Variants in EBPL observed in about 807,000 individuals in gnomAD.
The protein encoded by EBPL is emopamil-binding protein-like.
EBPL carries 20 observed loss-of-function variants against 19.0 expected under a neutral mutation model. The observed-to-expected ratio is 1.05, with a 90% CI of 0.74 to 1.53. The LOEUF (loss-of-function observed/expected upper bound fraction) is 1.53. Among genes scored for constraint, EBPL ranks in the 40% most tolerant of loss-of-function variants. EBPL has a pLI of 0.00. For synonymous variants in EBPL, 107 were observed against 117.0 expected, an observed-to-expected ratio of 0.91 and a Z score of 0.55; for missense variants, 219 against 261.1, an observed-to-expected ratio of 0.84 and a Z score of 1.11.
At chr13:49,665,024 A>G (rs1965205259) in intron 2 of EBPL, among the ~76,000 whole-genome samples, 1 of 152,194 alleles carries the variant, frequency 6.6e-6, no homozygotes, top group African/African-American at 2.4e-5. Context: ...AATAGGTGAA[A>G]TGTACCAGTT....
intron 1 of EBPL, among the ~76,000 whole-genome samples, chr13:49,684,816 G>A (rs1314427404): frequency 6.6e-6 from 1 of 152,230 alleles, no homozygotes. Flanking sequence ...AAGGCAGACT[G>A]TATTATAAAG....
intron 1 of EBPL, among the ~76,000 whole-genome samples, chr13:49,682,475 A>G (rs1362603988): frequency 6.6e-6 from 1 of 152,220 alleles, no homozygotes; most frequent in Non-Finnish European, 1.5e-5. Flanking sequence ...ATTCACACTA[A>G]GAGGACAGAG....
Position 49,663,144 on chromosome 13 carries a change from A to G in EBPL, c.293T>C (p.Ile98Thr). The G allele has an allele frequency of 6.2e-7, 1 of 1,614,200 alleles. No individual in the cohort carries two copies. The highest frequency in any genetic ancestry group is 8.5e-7 in the Non-Finnish European group (1 of 1,180,038). Residue 98 changes from isoleucine to threonine, a missense_variant, in exon 3 of 4, where the codon ATT (isoleucine) becomes ACT (threonine). Ile to Thr is a moderately conservative substitution (Grantham distance 89). Coordinates refer to ENST00000242827, the MANE Select transcript of EBPL (RefSeq NM_032565.5). ...DARWVYFDPT[I>T]VSVEILTVAL... ...GACGGTCAGAATTTCCACAGACACAATGGTTGGATCAAAATAAACCCATCT... is the reference window on the plus strand; with the variant it reads ...GACGGTCAGAATTTCCACAGACACAGTGGTTGGATCAAAATAAACCCATCT...
intron 1 of EBPL, among the ~76,000 whole-genome samples, chr13:49,690,002 T>C (rs1193445040): frequency 6.6e-6 from 1 of 151,782 alleles, no homozygotes; most frequent in Non-Finnish European, 1.5e-5. Flanking sequence ...ACACAAAAAT[T>C]AGCTGGGCGT....
At chr13:49,675,896 G>C (rs1452212001) in intron 1 of EBPL, among the ~76,000 whole-genome samples, 1 of 147,324 alleles carries the variant, frequency 6.8e-6, no homozygotes, top group Non-Finnish European at 1.5e-5. Flanking sequence ...TTTTTTAATA[G>C]TACTCATCCT....
intron 2 of EBPL, among the ~76,000 whole-genome samples, chr13:49,664,406 C>T (rs1965196813): frequency 6.6e-6 from 1 of 152,160 alleles, no homozygotes; most frequent in African/African-American, 2.4e-5. Flanking sequence ...CAATGGCTCT[C>T]ACACAGTCTC....
chr13:49,671,529 C>T (rs1396910666), intron 1 of EBPL, among the ~76,000 whole-genome samples: 2 of 152,180 alleles, frequency 1.3e-5, no homozygotes, highest in Non-Finnish European at 2.9e-5. Flanking sequence ...AGTCCACTTA[C>T]TTTGCAACAC....
chr13:49,669,548 C>T (rs1350440988), intron 2 of EBPL, among the ~76,000 whole-genome samples: 1 of 150,826 alleles, frequency 6.6e-6, no homozygotes, highest in Non-Finnish European at 1.5e-5. Context: ...ATTTCATTAC[C>T]CCAAAAAGAA....
intron 2 of EBPL, among the ~76,000 whole-genome samples, chr13:49,663,920 G>C (rs940136348): frequency 7.7e-6 from 1 of 129,260 alleles, no homozygotes; most frequent in Non-Finnish European, 1.6e-5. Flanking sequence ...GCGAGACTCC[G>C]TCTCAAAAAA....
intron 2 of EBPL, among the ~76,000 whole-genome samples, chr13:49,663,706 G>C (rs1322446961): frequency 6.6e-6 from 1 of 151,992 alleles, no homozygotes. Flanking sequence ...GGGAGGCCAA[G>C]GCGGGCAGAT....
intron 2 of EBPL, among the ~76,000 whole-genome samples, chr13:49,667,696 G>A (rs935385263): frequency 6.6e-5 from 10 of 152,164 alleles, no homozygotes; most frequent in Non-Finnish European, 1.5e-4. Context: ...TGTTGCCCTG[G>A]CTAAATTCAA....
intron 1 of EBPL, among the ~76,000 whole-genome samples, chr13:49,678,882 C>T (rs115783451): frequency 0.021 from 3,126 of 151,614 alleles, 43 homozygotes; most frequent in South Asian, 0.029. Flanking sequence ...ATGGGTGGCA[C>T]GCGCCTGTAT....
chr13:49,679,596 G>A (rs551538930), intron 1 of EBPL, among the ~76,000 whole-genome samples: 2 of 152,290 alleles, frequency 1.3e-5, no homozygotes, highest in South Asian at 4.1e-4. Context: ...CAGACTCCTG[G>A]GTTCAAGCAA....
chr13:49,660,986 T>A lies in EBPL; in HGVS notation c.603A>T (p.Ser201=). ...LKKMHQKETS[S]VKKFQ ...TGAAAGTTCACTGAAACTTCTTCAC[T>A]GAACTGGTTTCTTTCTGATGCATTT... The change falls in exon 4 of 4, where the codon TCA becomes TCT. Residue 201 remains serine, a synonymous_variant. Coordinates refer to ENST00000242827, the MANE Select transcript of EBPL (RefSeq NM_032565.5). The A allele has an allele frequency of 6.2e-7, 1 of 1,612,492 alleles. No individual in the cohort carries two copies. Among genetic ancestry groups the A allele is most frequent in the South Asian group, 1.1e-5 (1 of 90,702 alleles).
At position 49,669,878 on chromosome 13, in the gene EBPL, T is replaced by C. The variant is rs370434813; in HGVS notation, c.172-32A>G. Reference sequence around the variant, plus strand: ...AGGAGAAAATGAAGACATGCTCTAATACAGCATCACAACCACAGGATGGCA... The same window carrying C: ...AGGAGAAAATGAAGACATGCTCTAACACAGCATCACAACCACAGGATGGCA... On this transcript the variant is annotated intron_variant, in intron 1 of 3. Transcript: ENST00000242827. The C allele has an allele frequency of 3.7e-5, 57 of 1,555,004 alleles. No individual in the cohort carries two copies. The African/African-American group carries it at 7.3e-4, about 20-fold the overall frequency.
chr13:49,681,558 A>C (rs565293901), intron 1 of EBPL, among the ~76,000 whole-genome samples: 1 of 152,316 alleles, frequency 6.6e-6, no homozygotes, highest in South Asian at 2.1e-4. Context: ...CCCAAAATGC[A>C]GGGATTACAG....
chr13:49,663,321 G>A (rs1267792567), intron 2 of EBPL, 126 bp from the exon 3 acceptor site: 2 of 1,259,700 alleles, frequency 1.6e-6, no homozygotes, highest in African/African-American at 1.5e-5. Flanking sequence ...CATTCTTCAC[G>A]ATGCCTTAGT....
At chr13:49,688,399 A>G (rs1393622712) in intron 1 of EBPL, among the ~76,000 whole-genome samples, 2 of 152,086 alleles carry the variant, frequency 1.3e-5, no homozygotes, top group African/African-American at 2.4e-5. Flanking sequence ...GCAGCCAAAA[A>G]ACCTACAGAG....
At chr13:49,688,396 A>G (rs1954021806) in intron 1 of EBPL, among the ~76,000 whole-genome samples, 1 of 152,160 alleles carries the variant, frequency 6.6e-6, no homozygotes, top group South Asian at 2.1e-4. Context: ...ATGGCAGCCA[A>G]AAAACCTACA....
Sources: gnomAD v4.1 joint callset for allele counts (sites outside exome capture counted in the v4.1 genomes callset) on GRCh38, gnomAD v4.1.1 for gene constraint, MANE v1.5 for transcripts, NCBI Gene and HGNC (gene_info 2026-07-23, HGNC 2026-07-21) for gene names.